The following SLC30A7 variants were observed in gnomAD, a reference collection of about 807,000 sequenced individuals.
SLC30A7 encodes the protein zinc transporter 7.
Under a neutral mutation model 46.0 loss-of-function variants are expected in SLC30A7, and 35 were observed. The ratio of observed to expected loss-of-function variants is 0.76; its 90% CI spans 0.58 to 1.01. The LOEUF is 1.01. SLC30A7 is among the 50% of genes least tolerant of loss of function. SLC30A7 has a pLI of 0.00. For synonymous variants in SLC30A7, 147 were observed against 157.8 expected (o/e 0.93, Z 0.51); for missense variants, 464 against 451.1 (o/e 1.03, Z -0.26).
the SLC30A7 span, among the ~76,000 whole-genome samples, chr1:100,987,261 T>G: frequency 6.6e-6 from 1 of 152,238 alleles, no homozygotes; most frequent in Admixed American, 6.5e-5. Context: ...GATCTGTGAG[T>G]TGATAGCTTT....
At position 100,896,098 on chromosome 1, in the gene SLC30A7, G is replaced by A. The variant is rs1308149012; in HGVS notation, c.-165G>A. ...GTTGCGCGGCCCGGGCCGGAAGTAAGCGAATTCCCGGGTGTGTGTCTGTGT... is the reference window on the plus strand; with the variant it reads ...GTTGCGCGGCCCGGGCCGGAAGTAAACGAATTCCCGGGTGTGTGTCTGTGT... On this transcript the variant is annotated 5_prime_UTR_variant, in exon 1 of 11. Coordinates refer to ENST00000357650, the MANE Select transcript of SLC30A7 (RefSeq NM_133496.5). 9.3e-6 allele frequency: 6 copies of A among 648,234 alleles called. No individual in the cohort carries two copies. Among genetic ancestry groups the A allele is most frequent in the African/African-American group, 3.6e-5 (2 of 55,602 alleles). The allele number at this position is 648,234 out of a possible 1,614,324, so 40.2% of individuals were successfully genotyped here.
intron 1 of SLC30A7, 51 bp from the exon 2 acceptor site, chr1:100,896,519 C>G: frequency 6.4e-7 from 1 of 1,551,230 alleles, no homozygotes; most frequent in South Asian, 1.1e-5. Flanking sequence ...GCCTCGGGGT[C>G]CCGGCACCTC....
In SLC30A7 at chr1:100,941,637, A is replaced by G. The variant is rs1029543051; in HGVS notation, c.842+19796A>G. 7 of 600,714 alleles carry G rather than the reference A, an allele frequency of 1.2e-5. No homozygotes were observed. In the East Asian group the frequency reaches 1.6e-4, roughly 14 times the overall value. The allele number at this position is 600,714 out of a possible 1,614,324, so 37.2% of individuals were successfully genotyped here. On this transcript the variant is annotated intron_variant, in intron 8 of 10. Transcript: ENST00000357650. ...GTATACTCTTTAATGCCAGCAACAA[A>G]TATCTTTTTCACAGTTAAGTGGGCA...
chr1:100,933,235 A>G (rs1293716954), intron 8 of SLC30A7, among the ~76,000 whole-genome samples: 1 of 151,974 alleles, frequency 6.6e-6, no homozygotes, highest in African/African-American at 2.4e-5. Context: ...CAGCCTCCCA[A>G]AGTGCTGGGA....
At position 100,961,896 on chromosome 1, in the gene SLC30A7, G is replaced by C. The variant is rs2101085640; in HGVS notation, c.911G>C (p.Ser304Thr). ...AGAACTCCTCCCCTATTAGAAAATA[G>C]TCTGCCTCAGTGCTATCAGAGGGTG... is the stretch of plus-strand genomic sequence containing the variant. ...MQRTPPLLEN[S>T]LPQCYQRVQQ... is the part of the protein sequence containing the mutation. The change falls in exon 9 of 11, where the codon AGT becomes ACT. Residue 304 changes from serine to threonine, a missense_variant. Ser to Thr is a moderately conservative substitution (Grantham distance 58). Coordinates refer to ENST00000357650, the MANE Select transcript of SLC30A7 (RefSeq NM_133496.5). 1 of 1,604,234 alleles carries C rather than the reference G, an allele frequency of 6.2e-7. No individual in the cohort carries two copies. The highest frequency in any genetic ancestry group is 8.5e-7 in the Non-Finnish European group (1 of 1,173,372).
intron 8 of SLC30A7, among the ~76,000 whole-genome samples, chr1:100,943,260 G>C (rs1384160100): frequency 1.3e-5 from 2 of 152,132 alleles, no homozygotes; most frequent in Admixed American, 1.3e-4. Context: ...CCTTGGATTC[G>C]ATTAATTTAC....
Position 100,921,833 on chromosome 1 carries a change from A to T in SLC30A7, c.834A>T (p.Ile278=), listed in dbSNP as rs1276472624. ...PICSILIAIL[I]VVSVIPLLRE... ...GTTCAATTCTTATAGCCATTCTTAT[A>T]GTTGTAAGGTAAGTGTTATTGTTAC... Residue 278 remains isoleucine, a synonymous_variant, in exon 8 of 11, where the codon ATA becomes ATT. Transcript: ENST00000357650. 1 of 1,608,904 alleles carries T rather than the reference A, an allele frequency of 6.2e-7. No individual in the cohort carries two copies. Among genetic ancestry groups the T allele is most frequent in the Non-Finnish European group, 8.5e-7 (1 of 1,177,352 alleles).
chr1:100,912,367 C>A, intron 5 of SLC30A7, 129 bp downstream of exon 5: 1 of 1,064,048 alleles, frequency 9.4e-7, no homozygotes, highest in Non-Finnish European at 1.4e-6. Flanking sequence ...TCTTCCTGAA[C>A]TATCCCTTTC....
At chr1:100,923,267 C>T (rs1014564590) in intron 8 of SLC30A7, among the ~76,000 whole-genome samples, 4 of 105,948 alleles carry the variant, frequency 3.8e-5, no homozygotes, top group East Asian at 2.4e-4. Context: ...CCGCCCGCCT[C>T]GGCCTCCCAA....
chr1:100,983,143 T>C (rs1051518470), downstream of SLC30A7, among the ~76,000 whole-genome samples: 2 of 152,158 alleles, frequency 1.3e-5, no homozygotes, highest in Non-Finnish European at 2.9e-5. Flanking sequence ...TTTCGAAACT[T>C]AAATGCATTT....
At chr1:100,960,225 C>T (rs1655462977) in intron 8 of SLC30A7, among the ~76,000 whole-genome samples, 1 of 152,148 alleles carries the variant, frequency 6.6e-6, no homozygotes, top group South Asian at 2.1e-4. Context: ...TCCAGTTAGA[C>T]ACCAGTTATT....
intron 10 of SLC30A7, among the ~76,000 whole-genome samples, chr1:100,968,853 T>A (rs1420169147): frequency 6.6e-6 from 1 of 152,232 alleles, no homozygotes; most frequent in South Asian, 2.1e-4. Context: ...GAATTTGTTA[T>A]ATAAACAGAT....
At chr1:100,931,130 G>C (rs1653640841) in intron 8 of SLC30A7, among the ~76,000 whole-genome samples, 1 of 152,222 alleles carries the variant, frequency 6.6e-6, no homozygotes, top group African/African-American at 2.4e-5. Context: ...ATGGTAAACA[G>C]AATTTTGAAC....
At chr1:100,964,388 A>AT (rs1373153167) in intron 9 of SLC30A7, among the ~76,000 whole-genome samples, 1 of 129,646 alleles carries the variant, frequency 7.7e-6, no homozygotes, top group African/African-American at 3.2e-5. Context: ...TATGTTATAT[A>AT]ACCTATATAT....
chr1:100,986,914 T>TCAAA, the SLC30A7 span, among the ~76,000 whole-genome samples: 4,568 of 152,298 alleles, frequency 0.03, 224 homozygotes, highest in African/African-American at 0.099. Context: ...TATTAAATAA[T>TCAAA]CAAATGTATG....
At chr1:100,916,929 T>A (rs151137959) in intron 6 of SLC30A7, among the ~76,000 whole-genome samples, 1 of 152,300 alleles carries the variant, frequency 6.6e-6, no homozygotes, top group Non-Finnish European at 1.5e-5. Flanking sequence ...TGCTGTTGAT[T>A]GTGAGTTCTG....
intron 8 of SLC30A7, among the ~76,000 whole-genome samples, chr1:100,952,272 T>A (rs1370022554): frequency 1.3e-5 from 2 of 152,210 alleles, no homozygotes; most frequent in Non-Finnish European, 2.9e-5. Flanking sequence ...CTGTTTTAAC[T>A]TTTTAGCTGT....
At chr1:100,949,909 A>G (rs754548312) in intron 8 of SLC30A7, among the ~76,000 whole-genome samples, 1 of 152,176 alleles carries the variant, frequency 6.6e-6, no homozygotes, top group Non-Finnish European at 1.5e-5. Flanking sequence ...TTTCCCAGGT[A>G]CAGTCTGTCA....
At chr1:100,958,049 T>C (rs1655322719) in intron 8 of SLC30A7, among the ~76,000 whole-genome samples, 1 of 152,216 alleles carries the variant, frequency 6.6e-6, no homozygotes, top group Non-Finnish European at 1.5e-5. Flanking sequence ...ACCAATATTC[T>C]TCACTGTCAA....
Sources: gnomAD v4.1 joint callset for allele counts (sites outside exome capture counted in the v4.1 genomes callset) on GRCh38, gnomAD v4.1.1 for gene constraint, MANE v1.5 for transcripts, NCBI Gene and HGNC (gene_info 2026-07-23, HGNC 2026-07-21) for gene names.